The following SGMS1 variants were observed in gnomAD, a reference collection of about 807,000 sequenced individuals.
SGMS1 encodes sphingomyelin synthase 1, also known as phosphatidylcholine:ceramide cholinephosphotransferase 1.
A neutral mutation model predicts 46.2 loss-of-function variants in SGMS1; 13 were observed. The observed-to-expected ratio is 0.28, with a 90% CI of 0.18 to 0.45. SGMS1 has a LOEUF of 0.45. SGMS1 is among the 20% of genes least tolerant of loss of function. The pLI is 1.00. For missense variants in SGMS1, 324 were observed against 519.9 expected, an observed-to-expected ratio of 0.62 and a Z score of 3.66; for synonymous variants, 203 against 187.8, an observed-to-expected ratio of 1.08 and a Z score of -0.66.
At chr10:50,351,436 G>A (rs547717965) in intron 6 of SGMS1, among the ~76,000 whole-genome samples, 4 of 152,340 alleles carry the variant, frequency 2.6e-5, no homozygotes, top group African/African-American at 9.6e-5. Flanking sequence ...ATGTGAGGAT[G>A]TGAGATTTTG....
chr10:50,493,088 A>G (rs1397855486), intron 3 of SGMS1, among the ~76,000 whole-genome samples: 3 of 152,234 alleles, frequency 2.0e-5, no homozygotes, highest in Non-Finnish European at 4.4e-5. Context: ...TACAGTAACC[A>G]AAACATCATG....
At position 50,460,810 on chromosome 10, in the gene SGMS1, T is replaced by C. The variant is rs1035143653; in HGVS notation, c.-450A>G. 6.6e-6 allele frequency: 1 copy of C among 152,336 alleles called. No homozygotes were observed. Among genetic ancestry groups the C allele is most frequent in the South Asian group, 2.1e-4 (1 of 4,824 alleles). The allele number at this position is 152,336 out of a possible 1,614,324, so 9.4% of individuals were successfully genotyped here. A position where few individuals can be genotyped will look rare whatever the true frequency, so the allele number is the denominator to read the frequency against. On this transcript the variant is annotated 5_prime_UTR_variant, in exon 5 of 11. Coordinates refer to ENST00000361781, the MANE Select transcript of SGMS1 (RefSeq NM_147156.4). ...TCGGGCATCCCAAAGAACTCAATGG[T>C]GTGCCTGGGACAGAGAAGCAGTTTC... is the stretch of plus-strand genomic sequence containing the variant.
chr10:50,558,181 T>C (rs1488348528), intron 2 of SGMS1, among the ~76,000 whole-genome samples: 1 of 152,212 alleles, frequency 6.6e-6, no homozygotes, highest in Non-Finnish European at 1.5e-5. Flanking sequence ...CACACCCTCC[T>C]GCCTCTGTGC....
At chr10:50,338,888 T>C (rs1292809468) in intron 7 of SGMS1, among the ~76,000 whole-genome samples, 2 of 152,080 alleles carry the variant, frequency 1.3e-5, no homozygotes, top group African/African-American at 4.8e-5. Flanking sequence ...TACAGGTATG[T>C]GCCATCACGC....
At position 50,466,919 on chromosome 10, in the gene SGMS1, G is replaced by T. The variant is rs542615866; in HGVS notation, c.-484C>A. ...ATCATGCTGTTATTTTTCTTCATCA[G>T]TCTTCTTTCCAATCTAGAAGAAGTA... On this transcript the variant is annotated 5_prime_UTR_variant, in exon 4 of 11. The change creates a new upstream start codon in the 5' untranslated region. Coordinates refer to ENST00000361781, the MANE Select transcript of SGMS1 (RefSeq NM_147156.4). 2 of 152,096 alleles carry T rather than the reference G, an allele frequency of 1.3e-5. No individual in the cohort carries two copies. The highest frequency in any genetic ancestry group is 4.2e-4 in the South Asian group (2 of 4,812). 9.4% of individuals were successfully genotyped at this position (152,096 alleles called of 1,614,324 possible).
At chr10:50,314,946 A>G (rs775540694) in intron 8 of SGMS1, among the ~76,000 whole-genome samples, 8 of 152,150 alleles carry the variant, frequency 5.3e-5, no homozygotes, top group Non-Finnish European at 1.0e-4. Flanking sequence ...AAAACTGGAA[A>G]CAACCTAAAT....
chr10:50,425,473 T>C (rs1476564031), intron 6 of SGMS1, among the ~76,000 whole-genome samples: 5 of 152,208 alleles, frequency 3.3e-5, no homozygotes, highest in Admixed American at 6.5e-5. Flanking sequence ...GAGACCATTA[T>C]CCTAAGTAAA....
chr10:50,608,274 A>G (rs753338074), intron 1 of SGMS1, among the ~76,000 whole-genome samples: 39 of 152,358 alleles, frequency 2.6e-4, no homozygotes, highest in Non-Finnish European at 4.9e-4. Context: ...GCAGTTATCT[A>G]TGTGTAATAG....
At chr10:50,519,047 C>T (rs1431890058) in intron 3 of SGMS1, among the ~76,000 whole-genome samples, 2 of 152,104 alleles carry the variant, frequency 1.3e-5, no homozygotes, top group African/African-American at 4.8e-5. Context: ...AATTAATTTA[C>T]TACCGTTACA....
intron 1 of SGMS1, among the ~76,000 whole-genome samples, chr10:50,620,115 A>T (rs758130678): frequency 2.0e-5 from 3 of 152,188 alleles, no homozygotes; most frequent in Non-Finnish European, 2.9e-5. Flanking sequence ...TATAAAACCA[A>T]GCTACCTTCC....
intron 1 of SGMS1, among the ~76,000 whole-genome samples, chr10:50,599,764 G>A (rs966925200): frequency 1.8e-4 from 28 of 152,124 alleles, no homozygotes; most frequent in Non-Finnish European, 4.0e-4. Flanking sequence ...TCAAGAGGCT[G>A]AGGCAAGAGA....
At chr10:50,567,990 A>G (rs1240389681) in intron 2 of SGMS1, among the ~76,000 whole-genome samples, 2 of 152,118 alleles carry the variant, frequency 1.3e-5, no homozygotes, top group South Asian at 2.1e-4. Context: ...TTCACTTGCC[A>G]CCTTTAAGGT....
At chr10:50,495,837 C>T (rs1837610625) in intron 3 of SGMS1, among the ~76,000 whole-genome samples, 1 of 151,084 alleles carries the variant, frequency 6.6e-6, no homozygotes, top group Non-Finnish European at 1.5e-5. Flanking sequence ...CTACATAGAA[C>T]ATATATGGAA....
chr10:50,372,384 G>GTAATCTC (rs1376640726), intron 6 of SGMS1, among the ~76,000 whole-genome samples: 1 of 152,070 alleles, frequency 6.6e-6, no homozygotes, highest in East Asian at 1.9e-4. Flanking sequence ...TTAAAAATAA[G>GTAATCTC]TAATCTCTTA....
rs756905319 is a variant in SGMS1, at chr10:50,462,079, A to G, written c.-454-1265T>C. On this transcript the variant is annotated intron_variant, in intron 4 of 10. Transcript: ENST00000361781. ...AATTGCAGCACTAGCCTAGGCAACA[A>G]AACGAGACCTCATATCTACAAAAAG... Among the ~76,000 whole-genome samples the G allele has an allele frequency of 2.3e-3, 348 of 152,196 alleles. 2 individuals carry two copies. The highest frequency in any genetic ancestry group is 5.4e-3 in the South Asian group (26 of 4,824).
chr10:50,465,754 T>G (rs1837321006), intron 4 of SGMS1, among the ~76,000 whole-genome samples: 1 of 152,022 alleles, frequency 6.6e-6, no homozygotes, highest in African/African-American at 2.4e-5. Context: ...AGACATCAGT[T>G]TCCAAGCTGA....
At chr10:50,311,587 G>A (rs572908273) in intron 8 of SGMS1, among the ~76,000 whole-genome samples, 172 bp from the exon 9 acceptor site, 6 of 152,212 alleles carry the variant, frequency 3.9e-5, no homozygotes, top group Middle Eastern at 3.4e-3. Flanking sequence ...CTTGGGGCGG[G>A]GGGGTGGGAT....
chr10:50,488,540 A>G (rs1837541909), intron 3 of SGMS1, among the ~76,000 whole-genome samples: 1 of 152,234 alleles, frequency 6.6e-6, no homozygotes, highest in Non-Finnish European at 1.5e-5. Context: ...TCTTTCATAA[A>G]AGTCAAAGAA....
At chr10:50,452,977 C>A (rs1393697005) in intron 5 of SGMS1, among the ~76,000 whole-genome samples, 2 of 152,152 alleles carry the variant, frequency 1.3e-5, no homozygotes, top group African/African-American at 4.8e-5. Flanking sequence ...ATAGTGGCTA[C>A]AGGCACCTGG....
Sources: allele counts gnomAD v4.1 joint callset (sites outside exome capture counted in the v4.1 genomes callset), GRCh38; gene constraint gnomAD v4.1.1; transcripts MANE v1.5; gene names NCBI Gene and HGNC (gene_info 2026-07-23, HGNC 2026-07-21).